Variants in EYS observed in about 807,000 individuals in gnomAD.
EYS encodes the protein protein eyes shut homolog.
Under a neutral mutation model 282.1 loss-of-function variants are expected in EYS, and 250 were observed. The ratio of observed to expected loss-of-function variants is 0.89; its 90% CI spans 0.80 to 0.98. The LOEUF is 0.98. Among genes scored for constraint, EYS ranks in the 50% least tolerant of loss-of-function variants. The probability of loss-of-function intolerance (pLI) is 0.00; values close to 1 mark genes in which losing one functional copy is unlikely to be tolerated. For synonymous variants in EYS, 1,355 were observed against 1,282.9 expected (o/e 1.06, Z -1.20); for missense variants, 4,016 against 3,709.0 (o/e 1.08, Z -2.15).
At chr6:65,383,683 T>G (rs1765700314) in intron 8 of EYS, among the ~76,000 whole-genome samples, 1 of 151,992 alleles carries the variant, frequency 6.6e-6, no homozygotes, top group East Asian at 1.9e-4. Flanking sequence ...GCCTTTCAGA[T>G]AAAGCTGGTG....
At chr6:64,958,760 A>AAAAAAAAAAG (rs1769812125) in intron 14 of EYS, among the ~76,000 whole-genome samples, 1 of 148,798 alleles carries the variant, frequency 6.7e-6, no homozygotes, top group African/African-American at 2.5e-5. Flanking sequence ...AAAAAAAAAA[A>AAAAAAAAAAG]AAAGAAACAA....
chr6:65,279,361 T>C (rs1768154883), intron 12 of EYS, among the ~76,000 whole-genome samples: 1 of 152,170 alleles, frequency 6.6e-6, no homozygotes, highest in African/African-American at 2.4e-5. Flanking sequence ...AGTTCTCCCT[T>C]TGCTATCAAT....
At chr6:65,269,259 A>G (rs1408660319) in intron 12 of EYS, among the ~76,000 whole-genome samples, 1 of 152,196 alleles carries the variant, frequency 6.6e-6, no homozygotes, top group African/African-American at 2.4e-5. Flanking sequence ...GTTCAAACAA[A>G]CAAAGAAACA....
intron 29 of EYS, among the ~76,000 whole-genome samples, chr6:64,312,102 C>G (rs111881093): frequency 1.3e-5 from 2 of 151,904 alleles, no homozygotes; most frequent in South Asian, 4.2e-4. Flanking sequence ...CCCACCCCAA[C>G]GGAGCCCAAC....
At chr6:64,407,751 G>A (rs1458300206) in intron 28 of EYS, among the ~76,000 whole-genome samples, 1 of 151,964 alleles carries the variant, frequency 6.6e-6, no homozygotes, top group African/African-American at 2.4e-5. Flanking sequence ...TTATTTTAGA[G>A]GTGGAGTTTT....
chr6:63,745,334 C>T (rs2149644974), intron 41 of EYS, among the ~76,000 whole-genome samples: 1 of 152,238 alleles, frequency 6.6e-6, no homozygotes, highest in African/African-American at 2.4e-5. Flanking sequence ...AATACGAGGG[C>T]AGAGATTGGA....
At chr6:64,265,527 C>T (rs1421220335) in intron 30 of EYS, among the ~76,000 whole-genome samples, 3 of 152,102 alleles carry the variant, frequency 2.0e-5, no homozygotes, top group East Asian at 1.9e-4. Context: ...AGAAGAATTG[C>T]TAGAATATGT....
chr6:65,142,505 C>CACAG (rs879371370), intron 12 of EYS, among the ~76,000 whole-genome samples: 82 of 151,492 alleles, frequency 5.4e-4, no homozygotes, highest in Non-Finnish European at 9.0e-4. Context: ...CACACACACA[C>CACAG]ACACACACAC....
At chr6:64,771,863 A>T (rs1342259709) in intron 22 of EYS, among the ~76,000 whole-genome samples, 3 of 151,758 alleles carry the variant, frequency 2.0e-5, no homozygotes, top group Non-Finnish European at 3.0e-5. Flanking sequence ...AGAACTAGTC[A>T]CCTCATTGCA....
At chr6:65,345,637 A>G (rs1172017897) in intron 9 of EYS, among the ~76,000 whole-genome samples, 1 of 151,822 alleles carries the variant, frequency 6.6e-6, no homozygotes, top group Non-Finnish European at 1.5e-5. Context: ...TATCCATTTC[A>G]TTTAAATTGT....
intron 11 of EYS, among the ~76,000 whole-genome samples, chr6:65,300,406 G>T (rs932530596): frequency 3.9e-5 from 6 of 152,052 alleles, no homozygotes; most frequent in African/African-American, 1.4e-4. Flanking sequence ...TTCACATATT[G>T]TAGATCTGAA....
chr6:64,583,561 C>A (rs1489803965), intron 26 of EYS, among the ~76,000 whole-genome samples: 1 of 152,048 alleles, frequency 6.6e-6, no homozygotes, highest in African/African-American at 2.4e-5. Context: ...TTTGGGAGGC[C>A]AAGGTGGGCT....
intron 8 of EYS, among the ~76,000 whole-genome samples, chr6:65,367,907 T>C (rs10455579): frequency 4.4e-4 from 66 of 151,568 alleles, no homozygotes; most frequent in African/African-American, 1.5e-3. Context: ...TTCCTGAGCA[T>C]TTCTGTATTA....
rs139823019 is a variant in EYS at position 64,969,933 on chromosome 6, A to T, written c.2260-24019T>A. Among the ~76,000 whole-genome samples the T allele has an allele frequency of 1.6e-3, 244 of 152,296 alleles. 1 individual carries two copies. Among genetic ancestry groups the T allele is most frequent in the African/African-American group, 5.7e-3 (238 of 41,572 alleles). ...ATCTCATACTATGTAAAATTGCTTT[A>T]GATTGTCATACCAATGATTATAAAA... On this transcript the variant is annotated intron_variant, in intron 14 of 42. Coordinates refer to ENST00000503581, the MANE Select transcript of EYS (RefSeq NM_001142800.2).
intron 19 of EYS, among the ~76,000 whole-genome samples, chr6:64,857,704 C>T (rs982598151): frequency 2.6e-5 from 4 of 152,156 alleles, no homozygotes; most frequent in Non-Finnish European, 5.9e-5. Context: ...TATGGATTTA[C>T]TAAGTTACAT....
intron 26 of EYS, among the ~76,000 whole-genome samples, chr6:64,544,684 G>A (rs573334740): frequency 6.6e-6 from 1 of 152,042 alleles, no homozygotes; most frequent in South Asian, 2.1e-4. Context: ...AATGATAAAG[G>A]GGATATCACC....
chr6:65,419,691 A>C (rs1223607819), intron 5 of EYS, among the ~76,000 whole-genome samples: 1 of 151,988 alleles, frequency 6.6e-6, no homozygotes, highest in Non-Finnish European at 1.5e-5. Context: ...AATTATCATA[A>C]CACATTATCA....
chr6:65,659,797 G>C (rs1358588727), intron 1 of EYS, among the ~76,000 whole-genome samples: 1 of 151,598 alleles, frequency 6.6e-6, no homozygotes, highest in East Asian at 1.9e-4. Context: ...TCTATGTACA[G>C]TATTCCATTA....
At chr6:64,019,127 G>A (rs1329707302) in intron 33 of EYS, among the ~76,000 whole-genome samples, 1 of 152,030 alleles carries the variant, frequency 6.6e-6, no homozygotes, top group African/African-American at 2.4e-5. Flanking sequence ...TGGAGACTCA[G>A]GGGAAACGGT....
Sources: gnomAD v4.1 joint callset for allele counts (sites outside exome capture counted in the v4.1 genomes callset) on GRCh38, gnomAD v4.1.1 for gene constraint, MANE v1.5 for transcripts, NCBI Gene and HGNC (gene_info 2026-07-23, HGNC 2026-07-21) for gene names.